The following UPF2 variants were observed in gnomAD, a reference collection of about 807,000 sequenced individuals.
UPF2 encodes UPF2 regulator of nonsense mediated mRNA decay.
In UPF2, 17 loss-of-function variants were observed where a neutral mutation model predicts 141.4. That is an observed-to-expected ratio of 0.12 (90% CI 0.08 to 0.18). The LOEUF (loss-of-function observed/expected upper bound fraction) is 0.18. UPF2 is among the 10% of genes least tolerant of loss of function. The probability of loss-of-function intolerance (pLI) is 1.00; values close to 1 mark genes in which losing one functional copy is unlikely to be tolerated. For missense variants in UPF2, 1,152 were observed against 1,515.9 expected, an observed-to-expected ratio of 0.76 and a Z score of 3.99; for synonymous variants, 540 against 498.0, an observed-to-expected ratio of 1.08 and a Z score of -1.12.
At position 11,968,221 on chromosome 10, in the gene UPF2, G is replaced by A. The variant is rs1275107399; in HGVS notation, c.1954-767C>T. ...TCTTGTTATATTCAAACTATTGTAA[G>A]TTAAAGAAAAAATTGCTCTGTATAA... On this transcript the variant is annotated intron_variant, in intron 9 of 21. Transcript: ENST00000357604. 3.3e-5 allele frequency among the ~76,000 whole-genome samples: 5 copies of A among 152,176 alleles called. No individual in the cohort carries two copies. The South Asian group carries it at 1.0e-3, about 32-fold the overall frequency.
chr10:11,928,710 GA>G (rs60281145), intron 21 of UPF2: 4,171 of 293,840 alleles, frequency 0.014, 1 homozygote, highest in South Asian at 0.022. Context: ...CTCCGCCTCA[GA>G]AAAAAAAAAA....
chr10:11,997,406 C>A (rs1410879454), intron 8 of UPF2, among the ~76,000 whole-genome samples: 1 of 151,992 alleles, frequency 6.6e-6, no homozygotes, highest in Middle Eastern at 3.2e-3. Context: ...ACAATTGCTT[C>A]TAGCAATTCT....
intron 1 of UPF2, among the ~76,000 whole-genome samples, chr10:12,038,948 T>C (rs1834685448): frequency 6.6e-6 from 1 of 152,124 alleles, no homozygotes; most frequent in East Asian, 1.9e-4. Flanking sequence ...ATTACAGGTA[T>C]AAGCCACTAT....
At position 11,956,498 on chromosome 10, in the gene UPF2, G is replaced by A; in HGVS notation, c.2396C>T (p.Pro799Leu). 1.2e-6 allele frequency: 2 copies of A among 1,613,742 alleles called. No homozygotes were observed. Among genetic ancestry groups the A allele is most frequent in the Non-Finnish European group, 1.7e-6 (2 of 1,179,866 alleles). ...GTCTTTCACTTCTTGGTCCTGCCAG[G>A]GCAGCTTTCGCATCTGTCTCAAAAC... ...EKVLRQMRKL[P>L]WQDQEVKDYV... Residue 799 changes from proline (P) to leucine (L), a missense_variant, in exon 13 of 22, where the codon CCC becomes CTC. Transcript: ENST00000357604. This position sits in a 1 kb window ranked among gnomAD's most constrained non-coding sequence, Gnocchi z 4.2.
intron 3 of UPF2, among the ~76,000 whole-genome samples, chr10:12,021,521 CA>C (rs57040520): frequency 6.0e-5 from 9 of 149,770 alleles, no homozygotes; most frequent in South Asian, 2.1e-4. Context: ...GACCCTGTCT[CA>C]AAAAAAAGGA....
chr10:11,942,254 T>A (rs1307738877), intron 18 of UPF2, among the ~76,000 whole-genome samples: 2 of 152,054 alleles, frequency 1.3e-5, no homozygotes, highest in Non-Finnish European at 2.9e-5. Flanking sequence ...ATGCCTGTAA[T>A]CCCAGCTACT....
chr10:12,031,255 A>G (rs1236905496), intron 2 of UPF2, among the ~76,000 whole-genome samples: 1 of 152,138 alleles, frequency 6.6e-6, no homozygotes, highest in Non-Finnish European at 1.5e-5. Context: ...AACCTTTAAC[A>G]AAGTACCTTG....
At chr10:11,928,204 G>C (rs958007865) in intron 21 of UPF2, among the ~76,000 whole-genome samples, 2 of 152,070 alleles carry the variant, frequency 1.3e-5, no homozygotes, top group African/African-American at 4.8e-5. Context: ...GGCGTGCTGG[G>C]TGGGCACCTG....
intron 15 of UPF2, among the ~76,000 whole-genome samples, chr10:11,950,542 T>C (rs1314278256): frequency 6.6e-6 from 1 of 152,166 alleles, no homozygotes; most frequent in East Asian, 1.9e-4. Flanking sequence ...CCTGCAGTCC[T>C]TTAATTTAGC....
chr10:12,037,009 G>A (rs1018811712), intron 1 of UPF2, among the ~76,000 whole-genome samples: 1 of 151,952 alleles, frequency 6.6e-6, no homozygotes, highest in African/African-American at 2.4e-5. Flanking sequence ...TGGGCAACAA[G>A]GACAAAACTC....
At position 11,967,531 on chromosome 10, in the gene UPF2, T is replaced by C. The variant is rs969455794; in HGVS notation, c.1954-77A>G. The C allele has an allele frequency of 9.0e-6, 7 of 780,490 alleles. No individual in the cohort carries two copies. The East Asian group carries it at 1.0e-4, about 11-fold the overall frequency. 48.3% of individuals were successfully genotyped at this position (780,490 alleles called of 1,614,324 possible). On this transcript the variant is annotated intron_variant, in intron 9 of 21. Transcript: ENST00000357604. ...TGATAAAAACTATTATTTTAATGCA[T>C]TCGAATTCACTCCAGTTTTTTTTTT...
chr10:11,985,113 T>C (rs1483307147), intron 8 of UPF2, among the ~76,000 whole-genome samples: 1 of 152,208 alleles, frequency 6.6e-6, no homozygotes, highest in Non-Finnish European at 1.5e-5. Context: ...AATAGGGATT[T>C]TTAAAATGAG....
intron 6 of UPF2, among the ~76,000 whole-genome samples, chr10:12,000,735 G>C (rs1430584027): frequency 6.6e-6 from 1 of 152,198 alleles, no homozygotes; most frequent in Non-Finnish European, 1.5e-5. Context: ...GAGCTCGGGA[G>C]TTTGAGGCTG....
chr10:11,957,999 A>G (rs796394312), intron 12 of UPF2, among the ~76,000 whole-genome samples: 1 of 152,260 alleles, frequency 6.6e-6, no homozygotes, highest in African/African-American at 2.4e-5. Context: ...AGTTTATGGT[A>G]AAGACTAGAC....
intron 18 of UPF2, among the ~76,000 whole-genome samples, chr10:11,938,873 T>TTTTTTTG (rs1564337906): frequency 9.2e-6 from 1 of 108,500 alleles, no homozygotes; most frequent in African/African-American, 3.2e-5. Flanking sequence ...TTTTTTTTTT[T>TTTTTTTG]TTTTTTTTTG....
Position 11,980,340 on chromosome 10 carries a change from G to A in UPF2, c.1845-1175C>T, listed in dbSNP as rs1455857615. ...AGCTTAACTGACAGCAGCAAATAAT[G>A]GAGCTGACAGTGAGAGAGGAAGCTA... On this transcript the variant is annotated intron_variant, in intron 8 of 21. Transcript: ENST00000357604. This position sits in a 1 kb window ranked among gnomAD's most constrained non-coding sequence, Gnocchi z 4.2. 2.0e-5 allele frequency among the ~76,000 whole-genome samples: 3 copies of A among 152,212 alleles called. No individual in the cohort carries two copies. The highest frequency in any genetic ancestry group is 2.9e-5 in the Non-Finnish European group (2 of 68,042).
intron 4 of UPF2, among the ~76,000 whole-genome samples, chr10:12,010,134 G>A (rs1467922755): frequency 1.3e-5 from 2 of 152,170 alleles, no homozygotes; most frequent in African/African-American, 2.4e-5. Flanking sequence ...TCCTTTCAAA[G>A]ATGAAACTAT....
intron 8 of UPF2, among the ~76,000 whole-genome samples, chr10:11,984,005 C>T (rs976149599): frequency 6.6e-6 from 1 of 151,892 alleles, no homozygotes; most frequent in African/African-American, 2.4e-5. Flanking sequence ...CTCACCACAA[C>T]CTCCACCTCC....
At chr10:12,040,416 G>A (rs138807397) in intron 1 of UPF2, among the ~76,000 whole-genome samples, 119 of 152,136 alleles carry the variant, frequency 7.8e-4, no homozygotes, top group African/African-American at 2.7e-3. Flanking sequence ...GCCAGACTCC[G>A]TCTCAAGAAA....
Sources: allele counts gnomAD v4.1 joint callset (sites outside exome capture counted in the v4.1 genomes callset), GRCh38; gene constraint gnomAD v4.1.1; non-coding constraint Gnocchi (gnomAD v3.1); transcripts MANE v1.5; gene names NCBI Gene and HGNC (gene_info 2026-07-23, HGNC 2026-07-21).